C9orf43: variants seen among roughly 807,000 people sequenced by gnomAD.
The protein encoded by C9orf43 is chromosome 9 open reading frame 43.
In C9orf43, 45 loss-of-function variants were observed where a neutral mutation model predicts 59.1. The observed-to-expected ratio is 0.76, with a 90% CI of 0.60 to 0.98. The LOEUF (loss-of-function observed/expected upper bound fraction) is 0.98. Among genes scored for constraint, C9orf43 ranks in the 50% least tolerant of loss-of-function variants. The probability of loss-of-function intolerance (pLI) is 0.00; values close to 1 mark genes in which losing one functional copy is unlikely to be tolerated. For synonymous variants in C9orf43, 203 were observed against 196.8 expected, an observed-to-expected ratio of 1.03 and a Z score of -0.26; for missense variants, 533 against 554.9, an observed-to-expected ratio of 0.96 and a Z score of 0.40.
At position 113,425,768 on chromosome 9, in the gene C9orf43, C is replaced by T. The variant is rs749545299; in HGVS notation, c.1030+38C>T. 3 of 1,510,316 alleles carry T rather than the reference C, an allele frequency of 2.0e-6. No homozygotes were observed. In the East Asian group the frequency reaches 6.8e-5, roughly 34 times the overall value. 93.6% of individuals were successfully genotyped at this position (1,510,316 alleles called of 1,614,324 possible). On this transcript the variant is annotated intron_variant, in intron 11 of 13. Transcript: ENST00000374165. ...TATGCTTGGTTGGGGGTGATAGGAT[C>T]CCTGAGGGGTAGGTATCTGAGGGCA...
At chr9:113,423,209 G>A in intron 6 of C9orf43, 117 bp from the exon 7 acceptor site, 2 of 942,270 alleles carry the variant, frequency 2.1e-6, no homozygotes, top group Non-Finnish European at 3.2e-6. Context: ...ATCGTTCAGA[G>A]GAGGCAACCA....
chr9:113,415,371 G>A (rs556685044), intron 3 of C9orf43, among the ~76,000 whole-genome samples: 2 of 152,252 alleles, frequency 1.3e-5, no homozygotes, highest in East Asian at 1.9e-4. Context: ...TCTTGAACTC[G>A]TGAGCTGAAA....
At chr9:113,411,859 G>A (rs769812627) in intron 1 of C9orf43, among the ~76,000 whole-genome samples, 1 of 151,814 alleles carries the variant, frequency 6.6e-6, no homozygotes, top group Non-Finnish European at 1.5e-5. Context: ...TGTATTTTTC[G>A]TAGAGACAGG....
At chr9:113,414,859 C>T (rs1477412508) in intron 3 of C9orf43, among the ~76,000 whole-genome samples, 3 of 152,004 alleles carry the variant, frequency 2.0e-5, no homozygotes, top group East Asian at 3.9e-4. Context: ...TTTCTTTTTT[C>T]TTTTTTGAGA....
chr9:113,416,531 C>T (rs1239887648), intron 3 of C9orf43, among the ~76,000 whole-genome samples: 1 of 152,212 alleles, frequency 6.6e-6, no homozygotes, highest in Non-Finnish European at 1.5e-5. Context: ...ATCTGGCCTT[C>T]CTACTGGACC....
chr9:113,413,706 T>C, intron 2 of C9orf43, 53 bp from the exon 3 acceptor site: 1 of 1,611,438 alleles, frequency 6.2e-7, no homozygotes, highest in Admixed American at 1.7e-5. Context: ...TGTATGTGGC[T>C]CCCTTTCTCC....
rs780870570 is a variant in C9orf43 at position 113,425,344 on chromosome 9, G to T, written c.866G>T (p.Gly289Val). The change falls in exon 10 of 14, where the codon GGT (glycine) becomes GTT (valine). Residue 289 changes from glycine to valine, a missense_variant and splice_region_variant. Physicochemically the swap from Gly to Val is moderately radical, Grantham distance 109 (BLOSUM62 -3). Coordinates refer to ENST00000374165, the MANE Select transcript of C9orf43 (RefSeq NM_001278629.2). ...ATCAAGCTGGCTCTCTGGTCACCAG[G>T]TTACAGGAAACAGCAGCAGCGGCAG... ...LKKLHNLKTE[G>V]YRKQQQRQQQ... is the part of the protein sequence containing the mutation. 212 of 1,613,772 alleles carry T rather than the reference G, an allele frequency of 1.3e-4. No individual in the cohort carries two copies. The highest frequency in any genetic ancestry group is 1.8e-4 in the Non-Finnish European group (209 of 1,179,984).
In C9orf43 at chr9:113,422,397, A is replaced by G. The variant is rs189322932; in HGVS notation, c.447-152A>G. The G allele has an allele frequency of 7.4e-5, 82 of 1,108,310 alleles. 2 individuals are homozygous for G. The African/African-American group carries it at 1.1e-3, about 15-fold the overall frequency. The allele number at this position is 1,108,310 out of a possible 1,614,324, so 68.7% of individuals were successfully genotyped here. ...CTGGGTTCCCAACCAGCTATCTTTGAGTACTGATCAAAGATAGGAATCTTT... is the reference window on the plus strand; with the variant it reads ...CTGGGTTCCCAACCAGCTATCTTTGGGTACTGATCAAAGATAGGAATCTTT... On this transcript the variant is annotated intron_variant, in intron 5 of 13. Transcript: ENST00000374165.
chr9:113,424,188 AC>A lies in C9orf43; in HGVS notation c.681del (p.Met228CysfsTer6), dbSNP rs1279084003. ...CAGACTTTTGCCAGGTGGAAAGCAAACCATGCTCTGTCCAGAGATGAAGATA... is the reference window on the plus strand; with the variant it reads ...CAGACTTTTGCCAGGTGGAAAGCAAACATGCTCTGTCCAGAGATGAAGATA... Reference protein sequence around the residue: ...LKELLPGGKQTMLCPEMKIKL... With the variant: ...LKELLPGGKQXMLCPEMKIKL... On this transcript the variant is annotated frameshift_variant, in exon 8 of 14. Transcript: ENST00000374165. LOFTEE classifies it high-confidence loss of function. 3.1e-6 allele frequency: 5 copies of A among 1,611,366 alleles called. No individual in the cohort carries two copies. The highest frequency in any genetic ancestry group is 1.3e-5 in the African/African-American group (1 of 74,784).
Position 113,429,363 on chromosome 9 carries a change from G to A in C9orf43, c.1363G>A (p.Asp455Asn), listed in dbSNP as rs1238392956. 1.2e-6 allele frequency: 2 copies of A among 1,613,912 alleles called. No individual in the cohort carries two copies. Among genetic ancestry groups the A allele is most frequent in the Non-Finnish European group, 1.7e-6 (2 of 1,179,942 alleles). The change falls in exon 14 of 14, where the codon GAC becomes AAC. Residue 455 changes from aspartate (D) to asparagine (N), a missense_variant. Asp to Asn is a conservative substitution (Grantham distance 23). Coordinates refer to ENST00000374165, the MANE Select transcript of C9orf43 (RefSeq NM_001278629.2). Reference protein sequence around the residue: ...LQDTDDEDEEDQSSGAE With the variant: ...LQDTDDEDEENQSSGAE ...GGACACTGATGATGAGGATGAGGAG[G>A]ACCAGTCCTCTGGGGCAGAGTGAGA...
chr9:113,425,593 T>A (rs1322172038), intron 10 of C9orf43, 50 bp from the exon 11 acceptor site: 25 of 1,583,598 alleles, frequency 1.6e-5, no homozygotes, highest in Non-Finnish European at 2.1e-5. Flanking sequence ...TGAAAAAAGT[T>A]TTCTTTACTT....
Position 113,427,812 on chromosome 9 carries a change from G to C in C9orf43, c.1031-335G>C, listed in dbSNP as rs938952936. Among the ~76,000 whole-genome samples the C allele has an allele frequency of 2.6e-5, 4 of 152,288 alleles. No homozygotes were observed. In the East Asian group the frequency reaches 7.7e-4, roughly 29 times the overall value. ...GGTTTTTGTTTTTGCTTTGTTTATG[G>C]GTACATGAGGGATGGCGCAAGAAGA... On this transcript the variant is annotated intron_variant, in intron 11 of 13. Coordinates refer to ENST00000374165, the MANE Select transcript of C9orf43 (RefSeq NM_001278629.2).
chr9:113,413,969 T>C (rs1828267746), intron 3 of C9orf43, 75 bp downstream of exon 3: 2 of 1,465,656 alleles, frequency 1.4e-6, no homozygotes, highest in Non-Finnish European at 1.8e-6. Flanking sequence ...TATCCATTAG[T>C]ATACTTTGAG....
Position 113,425,788 on chromosome 9 carries a change from A to G in C9orf43, c.1030+58A>G. On this transcript the variant is annotated intron_variant, in intron 11 of 13. Transcript: ENST00000374165. ...AGGATCCCTGAGGGGTAGGTATCTG[A>G]GGGCAGGAAAAGCTAAACATGCTCT... The G allele has an allele frequency of 2.9e-6, 4 of 1,372,814 alleles. No homozygotes were observed. The South Asian group carries it at 4.7e-5, about 16-fold the overall frequency. The allele number at this position is 1,372,814 out of a possible 1,614,324, so 85.0% of individuals were successfully genotyped here.
chr9:113,429,127 T>G (rs1276438961), intron 13 of C9orf43, 45 bp from the exon 14 acceptor site: 6 of 1,583,876 alleles, frequency 3.8e-6, no homozygotes, highest in East Asian at 2.2e-5. Flanking sequence ...TTGTTGTAGT[T>G]GAGAGGAGTT....
chr9:113,414,191 A>G (rs546177163), intron 3 of C9orf43, among the ~76,000 whole-genome samples: 2 of 152,304 alleles, frequency 1.3e-5, no homozygotes, highest in East Asian at 3.9e-4. Context: ...TAGAAGTCCA[A>G]TATCAAGGTG....
intron 6 of C9orf43, among the ~76,000 whole-genome samples, chr9:113,423,078 A>G (rs1828644263): frequency 2.0e-5 from 3 of 152,158 alleles, no homozygotes; most frequent in African/African-American, 7.2e-5. Flanking sequence ...ATTTTTGTTC[A>G]GTTTGTTGAG....
intron 12 of C9orf43, among the ~76,000 whole-genome samples, chr9:113,428,605 A>G (rs1471921284): frequency 2.0e-5 from 3 of 152,204 alleles, no homozygotes; most frequent in African/African-American, 4.8e-5. Context: ...AATAGGCCCT[A>G]TCTCCTGATG....
At chr9:113,423,021 T>C (rs1421994067) in intron 6 of C9orf43, among the ~76,000 whole-genome samples, 1 of 152,254 alleles carries the variant, frequency 6.6e-6, no homozygotes, top group Non-Finnish European at 1.5e-5. Context: ...TGTTCATTGC[T>C]GAATCCCCAT....
Sources: allele counts gnomAD v4.1 joint callset (sites outside exome capture counted in the v4.1 genomes callset), GRCh38; gene constraint gnomAD v4.1.1; transcripts MANE v1.5; gene names NCBI Gene and HGNC (gene_info 2026-07-23, HGNC 2026-07-21).